The following MACROD2 variants were observed in gnomAD, a reference collection of about 807,000 sequenced individuals.
MACROD2 encodes mono-ADP ribosylhydrolase 2, also known as ADP-ribose glycohydrolase MACROD2.
A neutral mutation model predicts 70.4 loss-of-function variants in MACROD2; 36 were observed. The ratio of observed to expected loss-of-function variants is 0.51; its 90% CI spans 0.39 to 0.68. The LOEUF (loss-of-function observed/expected upper bound fraction) is 0.68, where lower values mean the gene tolerates loss of function less well. MACROD2 is among the 30% of genes least tolerant of loss of function. The pLI, the probability that MACROD2 is intolerant of heterozygous loss-of-function variation, is 0.00. For missense variants in MACROD2, 496 were observed against 538.4 expected (o/e 0.92, Z 0.78); for synonymous variants, 172 against 178.8 (o/e 0.96, Z 0.30).
chr20:15,247,470 A>G (rs1435706214), intron 6 of MACROD2, among the ~76,000 whole-genome samples: 3 of 152,212 alleles, frequency 2.0e-5, no homozygotes, highest in Admixed American at 1.3e-4. Flanking sequence ...TATATAAATT[A>G]CACACAAAAA....
chr20:15,991,532 T>A (rs1334781139), intron 15 of MACROD2, among the ~76,000 whole-genome samples: 1 of 152,178 alleles, frequency 6.6e-6, no homozygotes, highest in Non-Finnish European at 1.5e-5. Flanking sequence ...TACCTAACAC[T>A]TGGGCCATCA....
At chr20:14,759,398 T>C (rs2071985352) in intron 5 of MACROD2, among the ~76,000 whole-genome samples, 1 of 152,126 alleles carries the variant, frequency 6.6e-6, no homozygotes, top group Non-Finnish European at 1.5e-5. Context: ...TAGGTAGATA[T>C]TCCATGCCAT....
chr20:14,663,158 A>G (rs1986312617), intron 4 of MACROD2, among the ~76,000 whole-genome samples: 1 of 152,168 alleles, frequency 6.6e-6, no homozygotes, highest in Non-Finnish European at 1.5e-5. Context: ...AGCCATAAAA[A>G]GAATGGGACC....
At chr20:14,683,773 AGAG>A (rs1281029435) in intron 4 of MACROD2, among the ~76,000 whole-genome samples, 1 of 152,152 alleles carries the variant, frequency 6.6e-6, no homozygotes, top group Admixed American at 6.5e-5. Context: ...TGGACTGTGG[AGAG>A]GAGAAGTCTT....
intron 5 of MACROD2, among the ~76,000 whole-genome samples, chr20:15,078,666 A>C: frequency 6.6e-6 from 1 of 151,532 alleles, no homozygotes; most frequent in African/African-American, 2.4e-5. Flanking sequence ...CCTCTTGGTC[A>C]CTAGTTACAT....
chr20:14,984,108 C>T (rs528508152), intron 5 of MACROD2, among the ~76,000 whole-genome samples: 23 of 152,290 alleles, frequency 1.5e-4, no homozygotes, highest in African/African-American at 5.3e-4. Flanking sequence ...GTACAATAGC[C>T]CACTCCTCTG....
intron 4 of MACROD2, among the ~76,000 whole-genome samples, chr20:14,577,796 A>AGAGAAGAGAC (rs1980702191): frequency 7.4e-6 from 1 of 134,414 alleles, no homozygotes; most frequent in African/African-American, 3.9e-5. Flanking sequence ...AGAAAAGGAA[A>AGAGAAGAGAC]GAGAAGAGAA....
chr20:14,034,243 G>C (rs1429951020), intron 2 of MACROD2, among the ~76,000 whole-genome samples: 2 of 152,126 alleles, frequency 1.3e-5, no homozygotes, highest in Non-Finnish European at 2.9e-5. Flanking sequence ...CAAAGTGCTG[G>C]GATTACAGGC....
intron 6 of MACROD2, among the ~76,000 whole-genome samples, chr20:15,313,500 C>A (rs1345963839): frequency 1.6e-5 from 2 of 128,626 alleles, no homozygotes; most frequent in East Asian, 4.8e-4. Flanking sequence ...GAGCGAGACT[C>A]CGTCTCAAAA....
intron 5 of MACROD2, among the ~76,000 whole-genome samples, chr20:15,141,282 G>T (rs1303637683): frequency 6.6e-6 from 1 of 152,062 alleles, no homozygotes; most frequent in African/African-American, 2.4e-5. Context: ...TCAGGCACTA[G>T]CATACATACA....
intron 8 of MACROD2, among the ~76,000 whole-genome samples, chr20:15,783,511 A>C (rs937575132): frequency 3.3e-5 from 5 of 152,152 alleles, no homozygotes; most frequent in African/African-American, 1.2e-4. Flanking sequence ...CATTAATTAA[A>C]AGGCTCCTCC....
chr20:15,347,082 T>A (rs929503598), intron 6 of MACROD2, among the ~76,000 whole-genome samples: 1 of 152,200 alleles, frequency 6.6e-6, no homozygotes, highest in Non-Finnish European at 1.5e-5. Context: ...GCCAGGTGAC[T>A]CTGTACTGAG....
chr20:15,700,237 A>G (rs1410302578), intron 8 of MACROD2, among the ~76,000 whole-genome samples: 2 of 152,140 alleles, frequency 1.3e-5, no homozygotes, highest in Non-Finnish European at 2.9e-5. Context: ...CTCTGTCTAG[A>G]GCTGCAATCT....
At chr20:15,576,215 A>G (rs1475953394) in intron 8 of MACROD2, among the ~76,000 whole-genome samples, 1 of 152,124 alleles carries the variant, frequency 6.6e-6, no homozygotes, top group South Asian at 2.1e-4. Flanking sequence ...CCACCTTACA[A>G]GAGATTCAGA....
chr20:14,022,591 A>G (rs1294944491), intron 2 of MACROD2, among the ~76,000 whole-genome samples: 9 of 152,030 alleles, frequency 5.9e-5, no homozygotes, highest in Middle Eastern at 3.4e-3. Flanking sequence ...TCTTTCCCGT[A>G]GCCCTCCCCC....
At chr20:15,615,459 G>A (rs2146717760) in intron 8 of MACROD2, among the ~76,000 whole-genome samples, 1 of 152,300 alleles carries the variant, frequency 6.6e-6, no homozygotes, top group South Asian at 2.1e-4. Context: ...CAGGGTGAGA[G>A]GGAGGACACC....
At chr20:14,190,618 G>A (rs901679651) in intron 3 of MACROD2, among the ~76,000 whole-genome samples, 2 of 128,890 alleles carry the variant, frequency 1.6e-5, no homozygotes, top group Non-Finnish European at 3.1e-5. Context: ...TAGCATCTTT[G>A]TATAGCTTTA....
At chr20:14,655,359 TTTGAGGGTG>T (rs1213616280) in intron 4 of MACROD2, among the ~76,000 whole-genome samples, 23 of 100,428 alleles carry the variant, frequency 2.3e-4, no homozygotes, top group African/African-American at 1.0e-3. Context: ...GTGTGTGTGT[TTTGAGGGTG>T]TGCTTGTGTG....
chr20:14,955,254 A>G (rs1350715926), intron 5 of MACROD2, among the ~76,000 whole-genome samples: 2 of 137,962 alleles, frequency 1.4e-5, no homozygotes, highest in Non-Finnish European at 3.1e-5. Flanking sequence ...TATAATTTAT[A>G]TAATATAATA....
Sources: allele counts gnomAD v4.1 joint callset (sites outside exome capture counted in the v4.1 genomes callset), GRCh38; gene constraint gnomAD v4.1.1; transcripts MANE v1.5; gene names NCBI Gene and HGNC (gene_info 2026-07-23, HGNC 2026-07-21).